The following SNX29 variants were observed in gnomAD, a reference collection of about 807,000 sequenced individuals.
The protein encoded by SNX29 is sorting nexin 29, also known as sorting nexin-29.
In SNX29, 78 loss-of-function variants were observed where a neutral mutation model predicts 102.1. The observed-to-expected ratio is 0.76, with a 90% CI of 0.64 to 0.92. The LOEUF (loss-of-function observed/expected upper bound fraction) is 0.92, where lower values mean the gene tolerates loss of function less well. Among genes scored for constraint, SNX29 ranks in the 40% least tolerant of loss-of-function variants. SNX29 has a pLI of 0.00. For missense variants in SNX29, 1,280 were observed against 1,061.7 expected, an observed-to-expected ratio of 1.21 and a Z score of -2.86; for synonymous variants, 580 against 414.5, an observed-to-expected ratio of 1.40 and a Z score of -4.85.
At chr16:12,009,443 ATGTGTGTGTGTATATATGTGTGTGTG>A (rs1459841456) in intron 3 of SNX29, among the ~76,000 whole-genome samples, 8 of 146,226 alleles carry the variant, frequency 5.5e-5, no homozygotes, top group Admixed American at 3.5e-4. Context: ...ATATTTTTAT[ATGTGTGTGTGTATATATGTGTGTGTG>A]TGTGTGTGTG....
chr16:12,439,549 G>A (rs779491293), intron 18 of SNX29, among the ~76,000 whole-genome samples: 6 of 152,214 alleles, frequency 3.9e-5, no homozygotes, highest in Admixed American at 6.5e-5. Flanking sequence ...AGAGCCAAGC[G>A]AAAGGGGTTT....
At chr16:12,548,016 T>C (rs918066650) in intron 20 of SNX29, among the ~76,000 whole-genome samples, 1 of 152,078 alleles carries the variant, frequency 6.6e-6, no homozygotes, top group Non-Finnish European at 1.5e-5. Flanking sequence ...TCCTGGACTT[T>C]TGCACTGCTC....
chr16:12,114,128 A>G (rs1194835932), intron 11 of SNX29, among the ~76,000 whole-genome samples: 1 of 152,196 alleles, frequency 6.6e-6, no homozygotes. Context: ...GTGCCAACTC[A>G]GTGTAGGTTC....
intron 15 of SNX29, among the ~76,000 whole-genome samples, chr16:12,328,907 T>A (rs1411951160): frequency 1.3e-5 from 2 of 152,064 alleles, no homozygotes; most frequent in Non-Finnish European, 2.9e-5. Flanking sequence ...CGGGACACTG[T>A]CTCCCTGGTT....
chr16:12,167,397 C>A (rs775822157), intron 13 of SNX29, among the ~76,000 whole-genome samples: 1 of 152,038 alleles, frequency 6.6e-6, no homozygotes, highest in Non-Finnish European at 1.5e-5. Flanking sequence ...CTCTGTGGGT[C>A]CAGGTAGAGC....
chr16:12,457,526 C>T (rs1279592742), intron 18 of SNX29, among the ~76,000 whole-genome samples: 1 of 152,218 alleles, frequency 6.6e-6, no homozygotes, highest in Non-Finnish European at 1.5e-5. Context: ...TCTACTGCTT[C>T]AGGACAGGGT....
At chr16:12,157,944 G>C (rs961645733) in intron 13 of SNX29, among the ~76,000 whole-genome samples, 4 of 152,194 alleles carry the variant, frequency 2.6e-5, no homozygotes, top group Non-Finnish European at 5.9e-5. Context: ...TCCCTCCAGT[G>C]CTTCATCCTT....
chr16:12,264,584 C>G (rs186623463), intron 14 of SNX29, among the ~76,000 whole-genome samples: 71 of 152,294 alleles, frequency 4.7e-4, no homozygotes, highest in African/African-American at 1.6e-3. Flanking sequence ...GAGCTTGAGA[C>G]GAGCCTGGCT....
chr16:12,538,441 C>CTTGGT (rs1473098309), intron 20 of SNX29, among the ~76,000 whole-genome samples: 1 of 152,132 alleles, frequency 6.6e-6, no homozygotes, highest in African/African-American at 2.4e-5. Flanking sequence ...AGAATGGTTA[C>CTTGGT]TTGGTTTGGT....
At chr16:12,557,648 C>A (rs143800025) in intron 20 of SNX29, 1 of 152,146 alleles carries the variant, frequency 6.6e-6, no homozygotes, top group Non-Finnish European at 1.5e-5. Flanking sequence ...AGGTGTGAGC[C>A]ACTACACCCA....
chr16:12,495,222 G>A (rs2088760811), intron 19 of SNX29, among the ~76,000 whole-genome samples: 1 of 152,060 alleles, frequency 6.6e-6, no homozygotes, highest in Non-Finnish European at 1.5e-5. Context: ...CATGGTCTCG[G>A]CTCACTGCAC....
intron 11 of SNX29, among the ~76,000 whole-genome samples, chr16:12,080,500 A>G (rs550439115): frequency 6.6e-6 from 1 of 152,156 alleles, no homozygotes; most frequent in African/African-American, 2.4e-5. Flanking sequence ...TTTGTTTACC[A>G]CAGTACTGTT....
intron 14 of SNX29, among the ~76,000 whole-genome samples, chr16:12,268,258 G>C (rs1331904883): frequency 1.3e-5 from 2 of 152,142 alleles, no homozygotes; most frequent in African/African-American, 2.4e-5. Flanking sequence ...CTTCATATTG[G>C]CACTCACTTT....
Position 12,572,920 on chromosome 16 carries a change from G to T in SNX29, c.*4291G>T, listed in dbSNP as rs943886851. 2 of 976,992 alleles carry T rather than the reference G, an allele frequency of 2.0e-6. No individual in the cohort carries two copies. Among genetic ancestry groups the T allele is most frequent in the Non-Finnish European group, 2.5e-6 (2 of 799,754 alleles). 60.5% of individuals were successfully genotyped at this position (976,992 alleles called of 1,614,324 possible). A position where few individuals can be genotyped will look rare whatever the true frequency, so the allele number is the denominator to read the frequency against. ...CGCTCGGAATCACGGCAGACTTGGA[G>T]TGTTTCTTCAAGGCAGGCATCTGCT... On this transcript the variant is annotated 3_prime_UTR_variant, in exon 21 of 21. Coordinates refer to ENST00000566228, the MANE Select transcript of SNX29 (RefSeq NM_032167.5).
intron 13 of SNX29, among the ~76,000 whole-genome samples, chr16:12,143,444 C>T (rs1364086358): frequency 6.6e-6 from 1 of 152,132 alleles, no homozygotes; most frequent in Non-Finnish European, 1.5e-5. Flanking sequence ...ACAAGTGAGG[C>T]ACCTACGCTG....
At chr16:12,535,101 A>T (rs1399634759) in intron 20 of SNX29, among the ~76,000 whole-genome samples, 1 of 152,168 alleles carries the variant, frequency 6.6e-6, no homozygotes, top group Non-Finnish European at 1.5e-5. Context: ...AGAAACCAAC[A>T]TGTATTTAGC....
chr16:12,295,770 C>CT (rs34643631), intron 15 of SNX29, among the ~76,000 whole-genome samples: 75 of 146,032 alleles, frequency 5.1e-4, no homozygotes, highest in East Asian at 2.8e-3. Context: ...AAATTGGGTT[C>CT]TTTTTTTTTT....
intron 14 of SNX29, among the ~76,000 whole-genome samples, chr16:12,274,733 C>T (rs1188415193): frequency 6.6e-6 from 1 of 152,096 alleles, no homozygotes; most frequent in Non-Finnish European, 1.5e-5. Context: ...GGTGGGGCTT[C>T]ACCATGTTGC....
intron 13 of SNX29, among the ~76,000 whole-genome samples, chr16:12,165,378 T>G (rs2055973474): frequency 6.6e-6 from 1 of 152,228 alleles, no homozygotes; most frequent in South Asian, 2.1e-4. Flanking sequence ...CATAAAAAGA[T>G]AACCTGCTTG....
Sources: gnomAD v4.1 joint callset for allele counts (sites outside exome capture counted in the v4.1 genomes callset) on GRCh38, gnomAD v4.1.1 for gene constraint, MANE v1.5 for transcripts, NCBI Gene and HGNC (gene_info 2026-07-23, HGNC 2026-07-21) for gene names.